ACSF2: variants seen among roughly 807,000 people sequenced by gnomAD.
The protein encoded by ACSF2 is acyl-CoA synthetase family member 2, also known as medium-chain acyl-CoA ligase ACSF2, mitochondrial.
A neutral mutation model predicts 79.3 loss-of-function variants in ACSF2; 52 were observed. The observed-to-expected ratio is 0.66, with a 90% CI of 0.53 to 0.83. ACSF2 has a LOEUF of 0.83. Ranked by LOEUF, ACSF2 falls within the 40% of genes least tolerant of loss-of-function variation. ACSF2 has a pLI of 0.00. For missense variants in ACSF2, 661 were observed against 803.3 expected (o/e 0.82, Z 2.14); for synonymous variants, 283 against 312.6 (o/e 0.91, Z 1.00).
intron 1 of ACSF2, among the ~76,000 whole-genome samples, chr17:50,443,443 C>G (rs1172289559): frequency 6.6e-6 from 1 of 152,166 alleles, no homozygotes. Flanking sequence ...GAATAAAAAG[C>G]TCTTAAGTAT....
In ACSF2 at chr17:50,472,432, G is replaced by A. The variant is rs773922703; in HGVS notation, c.1328G>A (p.Arg443Gln). The A allele has an allele frequency of 2.5e-5, 41 of 1,612,062 alleles. No individual in the cohort carries two copies. Among genetic ancestry groups the A allele is most frequent in the Non-Finnish European group, 2.6e-5 (31 of 1,179,232 alleles). ...CCTGAGGCCATCCTGTCCCAGGCCCGGATCATGAACATGGAGGCAGGGACG... is the reference window on the plus strand; with the variant it reads ...CCTGAGGCCATCCTGTCCCAGGCCCAGATCATGAACATGGAGGCAGGGACG... ...VGRIMPHTEA[R>Q]IMNMEAGTLA... Residue 443 changes from arginine to glutamine, a missense_variant, in exon 12 of 16, where the codon CGG becomes CAG. By Grantham distance (43) the Arg-to-Gln change is conservative (BLOSUM62 1). Coordinates refer to ENST00000300441, the MANE Select transcript of ACSF2 (RefSeq NM_025149.6).
intron 1 of ACSF2, among the ~76,000 whole-genome samples, chr17:50,440,485 G>A (rs535829637): frequency 6.6e-6 from 1 of 152,340 alleles, no homozygotes; most frequent in South Asian, 2.1e-4. Flanking sequence ...CTCCTCTTAT[G>A]TTCTCCATGG....
chr17:50,455,793 G>A (rs1488874027), intron 1 of ACSF2, among the ~76,000 whole-genome samples: 3 of 152,154 alleles, frequency 2.0e-5, no homozygotes, highest in South Asian at 2.1e-4. Flanking sequence ...TCGGGTCCTC[G>A]AGTCCCTGGC....
intron 1 of ACSF2, among the ~76,000 whole-genome samples, chr17:50,457,123 G>A (rs2032062245): frequency 6.6e-6 from 1 of 152,158 alleles, no homozygotes; most frequent in Non-Finnish European, 1.5e-5. Flanking sequence ...GGGAAGTCCA[G>A]GTGTCACACC....
chr17:50,463,158 G>T lies in ACSF2; in HGVS notation c.795G>T (p.Gly265=), dbSNP rs781271095. Residue 265 remains glycine, a splice_region_variant and synonymous_variant, in exon 7 of 16, where the codon GGG becomes GGT. Coordinates refer to ENST00000300441, the MANE Select transcript of ACSF2 (RefSeq NM_025149.6). The surrounding 1 kb of genome is among the most constrained non-coding windows in gnomAD (Gnocchi z 4.6). ...CCATGCCCTGTTTGCCTTGTCAGGG[G>T]ACAACAGGCAGCCCCAAGGGGGCCA... ...HDPINIQFTS[G]TTGSPKGATL... is the part of the protein sequence containing the mutation. The T allele has an allele frequency of 1.2e-6, 2 of 1,613,852 alleles. No individual in the cohort carries two copies. The highest frequency in any genetic ancestry group is 2.2e-5 in the South Asian group (2 of 91,072).
chr17:50,463,092 G>T lies in ACSF2; in HGVS notation c.793-64G>T. 7.3e-7 allele frequency: 1 copy of T among 1,373,840 alleles called. No individual in the cohort carries two copies. The highest frequency in any genetic ancestry group is 2.3e-5 in the East Asian group (1 of 43,836). 85.1% of individuals were successfully genotyped at this position (1,373,840 alleles called of 1,614,324 possible). A position where few individuals can be genotyped will look rare whatever the true frequency, so the allele number is the denominator to read the frequency against. On this transcript the variant is annotated intron_variant, in intron 6 of 15. Transcript: ENST00000300441. This position sits in a 1 kb window ranked among gnomAD's most constrained non-coding sequence, Gnocchi z 4.6. ...GATTCCCGGTCCCGTGCTCTTCAAG[G>T]CAGTGGCCCAGGGTGGGAAGGAGAT...
At chr17:50,460,052 T>G in intron 1 of ACSF2, 1 of 346,362 alleles carries the variant, frequency 2.9e-6, no homozygotes, top group Non-Finnish European at 5.7e-6. Flanking sequence ...ATAGGGGCTT[T>G]CTTCTTCATC....
intron 2 of ACSF2, 139 bp from the exon 3 acceptor site, chr17:50,461,103 C>A: frequency 7.3e-7 from 1 of 1,369,242 alleles, no homozygotes; most frequent in South Asian, 1.4e-5. Flanking sequence ...CAGGGCAGAC[C>A]CACTGAGGCT....
At chr17:50,465,909 T>G (rs1259426589) in intron 10 of ACSF2, 2 of 1,610,932 alleles carry the variant, frequency 1.2e-6, no homozygotes, top group Non-Finnish European at 1.7e-6. Context: ...AGCAAGGTGG[T>G]CATGAGTGAA....
chr17:50,460,820 T>C lies in ACSF2; in HGVS notation c.272T>C (p.Leu91Ser), dbSNP rs751095750. 6.2e-7 allele frequency: 1 copy of C among 1,612,256 alleles called. No homozygotes were observed. Among genetic ancestry groups the C allele is most frequent in the South Asian group, 1.1e-5 (1 of 90,642 alleles). The change falls in exon 2 of 16, where the codon TTG becomes TCG. Residue 91 changes from leucine (L) to serine (S), a missense_variant. By Grantham distance (145) the Leu-to-Ser change is moderately radical. Transcript: ENST00000300441. ...CAGAGGGTCCCAGAACGAGAGGCCT[T>C]GGTCGTCCTCCATGAAGACGTCAGG... is the stretch of plus-strand genomic sequence containing the variant. ...TAQRVPEREA[L>S]VVLHEDVRLT...
At position 50,463,547 on chromosome 17, in the gene ACSF2, A is replaced by G. The variant is rs1391608697; in HGVS notation, c.1041A>G (p.Arg347=). ...AGAAGGCACTGGAGGCCATCAGCAG[A>G]GAGAGGTGGGCACTGGTGGACAGGC... ...NGKKALEAIS[R]ERGTFLYGTP... The change falls in exon 8 of 16, where the codon AGA becomes AGG. Residue 347 remains arginine (R), a synonymous_variant. Coordinates refer to ENST00000300441, the MANE Select transcript of ACSF2 (RefSeq NM_025149.6). The surrounding 1 kb of genome is among the most constrained non-coding windows in gnomAD (Gnocchi z 4.6). The G allele has an allele frequency of 6.2e-7, 1 of 1,613,950 alleles. No homozygotes were observed. The highest frequency in any genetic ancestry group is 8.5e-7 in the Non-Finnish European group (1 of 1,179,962).
At chr17:50,468,476 A>G in intron 10 of ACSF2, 7 of 1,614,236 alleles carry the variant, frequency 4.3e-6, no homozygotes, top group Non-Finnish European at 5.9e-6. Context: ...TGCGCGCAGC[A>G]CGCGGATGTC....
rs1185597695 is a variant in ACSF2 at position 50,469,022 on chromosome 17, G to A, written c.1216-2006G>A. Reference sequence around the variant, plus strand: ...GCGCCCCCGCCCTCCACGGGGAAGGGGGCGGGGCCGTTCCCCCAGCCGGCT... The same window carrying A: ...GCGCCCCCGCCCTCCACGGGGAAGGAGGCGGGGCCGTTCCCCCAGCCGGCT... On this transcript the variant is annotated intron_variant, in intron 10 of 15. Transcript: ENST00000300441. The A allele has an allele frequency of 1.2e-5, 16 of 1,341,098 alleles. No homozygotes were observed. The East Asian group carries it at 3.9e-4, about 33-fold the overall frequency. The allele number at this position is 1,341,098 out of a possible 1,614,324, so 83.1% of individuals were successfully genotyped here. A position where few individuals can be genotyped will look rare whatever the true frequency, so the allele number is the denominator to read the frequency against.
chr17:50,461,901 C>T lies in ACSF2; in HGVS notation c.507+215C>T, dbSNP rs545314947. On this transcript the variant is annotated intron_variant, in intron 4 of 15. Coordinates refer to ENST00000300441, the MANE Select transcript of ACSF2 (RefSeq NM_025149.6). ...CAAACCTGGCGTGAGTGTGCAGGGA[C>T]GGGGGCATGTGTGTGTCAGGGCAGA... Among the ~76,000 whole-genome samples the T allele has an allele frequency of 6.0e-5, 9 of 148,926 alleles. No individual in the cohort carries two copies. The East Asian group carries it at 8.1e-4, about 13-fold the overall frequency.
chr17:50,427,948 C>T (rs563058302), intron 1 of ACSF2, among the ~76,000 whole-genome samples: 2 of 152,228 alleles, frequency 1.3e-5, no homozygotes, highest in Admixed American at 1.3e-4. Flanking sequence ...CTTTCTGCCC[C>T]TTCCACTCCC....
chr17:50,464,166 T>A, intron 9 of ACSF2, 52 bp from the exon 10 acceptor site: 2 of 1,573,292 alleles, frequency 1.3e-6, no homozygotes, highest in Non-Finnish European at 1.7e-6. Context: ...GTGAAAGGAC[T>A]CCACTGGGCC....
In ACSF2 at chr17:50,471,201, GA is replaced by G. The variant is rs774711855; in HGVS notation, c.1323+67del. ...ACCCAGCTGGGGTGCACCCAGCTGG[GA>G]CATCGGTTGCTTTCAGTGAGAGAGT... On this transcript the variant is annotated intron_variant, in intron 11 of 15. Transcript: ENST00000300441. This position sits in a 1 kb window ranked among gnomAD's most constrained non-coding sequence, Gnocchi z 4.1. The G allele has an allele frequency of 4.4e-6, 6 of 1,373,398 alleles. No homozygotes were observed. Among genetic ancestry groups the G allele is most frequent in the Non-Finnish European group, 5.2e-6 (5 of 965,354 alleles). 85.1% of individuals were successfully genotyped at this position (1,373,398 alleles called of 1,614,324 possible).
At chr17:50,442,914 CTTT>C (rs941820816) in intron 1 of ACSF2, among the ~76,000 whole-genome samples, 1 of 144,110 alleles carries the variant, frequency 6.9e-6, no homozygotes, top group Admixed American at 6.9e-5. Flanking sequence ...GGTTTTATTT[CTTT>C]TTTTTTTTTC....
chr17:50,447,430 CT>C (rs1945154482), intron 1 of ACSF2, among the ~76,000 whole-genome samples: 1 of 151,894 alleles, frequency 6.6e-6, no homozygotes, highest in African/African-American at 2.4e-5. Context: ...GTCCCAGCTA[CT>C]CGGGGGGTGC....
Sources: allele counts gnomAD v4.1 joint callset (sites outside exome capture counted in the v4.1 genomes callset), GRCh38; gene constraint gnomAD v4.1.1; non-coding constraint Gnocchi (gnomAD v3.1); transcripts MANE v1.5; gene names NCBI Gene and HGNC (gene_info 2026-07-23, HGNC 2026-07-21).